The following PPP2R3A variants were observed in gnomAD, a reference collection of about 807,000 sequenced individuals.
PPP2R3A encodes serine/threonine-protein phosphatase 2A regulatory subunit B'' subunit alpha.
PPP2R3A carries 80 observed loss-of-function variants against 106.9 expected under a neutral mutation model. That is an observed-to-expected ratio of 0.75 (90% CI 0.62 to 0.90). The LOEUF (loss-of-function observed/expected upper bound fraction) is 0.90, where lower values mean the gene tolerates loss of function less well. PPP2R3A is among the 40% of genes least tolerant of loss of function. The pLI, the probability that PPP2R3A is intolerant of heterozygous loss-of-function variation, is 0.00. For missense variants in PPP2R3A, 1,386 were observed against 1,350.4 expected (o/e 1.03, Z -0.41); for synonymous variants, 483 against 468.3 (o/e 1.03, Z -0.41).
chr3:136,030,509 T>C (rs550832824), intron 3 of PPP2R3A, among the ~76,000 whole-genome samples: 55 of 152,084 alleles, frequency 3.6e-4, no homozygotes, highest in African/African-American at 1.1e-3. Context: ...ACCCAGGCAG[T>C]ATACACTGCA....
chr3:135,995,799 C>T (rs917849027), intron 1 of PPP2R3A, among the ~76,000 whole-genome samples: 9 of 152,110 alleles, frequency 5.9e-5, no homozygotes, highest in African/African-American at 1.9e-4. Flanking sequence ...CTATATATCA[C>T]TCTTGTGCAT....
chr3:136,032,638 C>T (rs1934940134), intron 3 of PPP2R3A, among the ~76,000 whole-genome samples: 1 of 151,962 alleles, frequency 6.6e-6, no homozygotes, highest in African/African-American at 2.4e-5. Flanking sequence ...GGGTTGACAC[C>T]ATTCTCCTGC....
intron 3 of PPP2R3A, among the ~76,000 whole-genome samples, chr3:136,033,860 A>AT (rs970685359): frequency 5.4e-5 from 8 of 147,108 alleles, no homozygotes; most frequent in African/African-American, 2.0e-4. Flanking sequence ...TATTTTTTGT[A>AT]TTTTTTTTCT....
chr3:136,017,595 CT>C (rs1934321102), intron 2 of PPP2R3A, among the ~76,000 whole-genome samples: 1 of 152,174 alleles, frequency 6.6e-6, no homozygotes, highest in South Asian at 2.1e-4. Context: ...AGCTGGCTGG[CT>C]TTTGTTAATC....
chr3:136,055,726 C>G, intron 5 of PPP2R3A: 1 of 708,882 alleles, frequency 1.4e-6, no homozygotes, highest in Admixed American at 2.3e-5. Flanking sequence ...AGAAATACCA[C>G]TACTTGGGAA....
chr3:136,040,137 A>C (rs147895227), intron 3 of PPP2R3A, among the ~76,000 whole-genome samples: 174 of 152,348 alleles, frequency 1.1e-3, no homozygotes, highest in African/African-American at 4.0e-3. Context: ...GGAGATAGGT[A>C]GTGGAATATT....
rs188334798 is a variant in PPP2R3A at position 136,129,806 on chromosome 3, C to T, written c.3330-15237C>T. On this transcript the variant is annotated intron_variant, in intron 13 of 13. Coordinates refer to ENST00000264977, the MANE Select transcript of PPP2R3A (RefSeq NM_002718.5). ...CCGAACCCAGCAGTACATCAAAAAGCTTATCCACTATGATCAAGTCAGCTT... is the reference window on the plus strand; with the variant it reads ...CCGAACCCAGCAGTACATCAAAAAGTTTATCCACTATGATCAAGTCAGCTT... Among the ~76,000 whole-genome samples the T allele has an allele frequency of 1.5e-3, 230 of 152,322 alleles. 3 individuals are homozygous for T. The highest frequency in any genetic ancestry group is 4.9e-3 in the African/African-American group (204 of 41,564).
chr3:136,101,382 T>C (rs1214506230), intron 10 of PPP2R3A, among the ~76,000 whole-genome samples: 1 of 152,140 alleles, frequency 6.6e-6, no homozygotes, highest in Non-Finnish European at 1.5e-5. Flanking sequence ...AAGTTCAACT[T>C]TCATAATGTG....
chr3:135,979,631 G>C (rs1466387416), intron 1 of PPP2R3A, among the ~76,000 whole-genome samples: 1 of 151,752 alleles, frequency 6.6e-6, no homozygotes, highest in Non-Finnish European at 1.5e-5. Context: ...TTGTTGCTTT[G>C]GTTGTAAAAG....
intron 5 of PPP2R3A, among the ~76,000 whole-genome samples, chr3:136,062,462 G>A (rs370826094): frequency 7.2e-5 from 11 of 152,200 alleles, no homozygotes; most frequent in African/African-American, 1.4e-4. Flanking sequence ...AGTGGCTCAC[G>A]CCTGTAATCC....
intron 13 of PPP2R3A, among the ~76,000 whole-genome samples, chr3:136,139,380 T>G (rs576753711): frequency 6.6e-6 from 1 of 152,046 alleles, no homozygotes; most frequent in African/African-American, 2.4e-5. Context: ...TATCCCCTCA[T>G]GCTAACAAAA....
chr3:135,999,116 C>T (rs1451851182), intron 1 of PPP2R3A, among the ~76,000 whole-genome samples: 1 of 152,162 alleles, frequency 6.6e-6, no homozygotes, highest in Non-Finnish European at 1.5e-5. Context: ...ATCATTCTCC[C>T]AGGGTCAGGC....
At chr3:136,082,487 T>C in intron 8 of PPP2R3A, 66 bp downstream of exon 8, 3 of 1,533,372 alleles carry the variant, frequency 2.0e-6, no homozygotes, top group Non-Finnish European at 2.7e-6. Flanking sequence ...TCACTACTCA[T>C]TATGAGAAAT....
At position 135,999,736 on chromosome 3, in the gene PPP2R3A, G is replaced by C. The variant is rs1051155577; in HGVS notation, c.-440-1323G>C. On this transcript the variant is annotated intron_variant, in intron 1 of 13. Coordinates refer to ENST00000264977, the MANE Select transcript of PPP2R3A (RefSeq NM_002718.5). ...TTTTTCTTTCTCAGCAAGATGACTC[G>C]TGAAAAGTTCATCAGATTTTTATTT... is the stretch of plus-strand genomic sequence containing the variant. Among the ~76,000 whole-genome samples the C allele has an allele frequency of 2.0e-5, 3 of 152,086 alleles. No homozygotes were observed. In the South Asian group the frequency reaches 6.3e-4, roughly 32 times the overall value.
At chr3:135,991,973 C>A (rs1214260628) in intron 1 of PPP2R3A, among the ~76,000 whole-genome samples, 1 of 152,150 alleles carries the variant, frequency 6.6e-6, no homozygotes, top group East Asian at 1.9e-4. Flanking sequence ...TTCTGTCATA[C>A]CCATGTATAC....
At chr3:136,053,715 T>C (rs1205953301) in intron 5 of PPP2R3A, among the ~76,000 whole-genome samples, 1 of 152,214 alleles carries the variant, frequency 6.6e-6, no homozygotes, top group Non-Finnish European at 1.5e-5. Context: ...ATTCTGGCAG[T>C]TGGAGATCCC....
chr3:135,981,583 A>T (rs1030433983), intron 1 of PPP2R3A, among the ~76,000 whole-genome samples: 15 of 151,826 alleles, frequency 9.9e-5, no homozygotes, highest in African/African-American at 3.6e-4. Flanking sequence ...TCCTTCATTG[A>T]GTACTTATAT....
intron 5 of PPP2R3A, among the ~76,000 whole-genome samples, chr3:136,066,671 G>A (rs926516019): frequency 2.6e-5 from 4 of 152,018 alleles, no homozygotes; most frequent in African/African-American, 7.3e-5. Context: ...GAGAGCAGGA[G>A]CAAGGTGTGG....
chr3:135,970,857 G>A (rs1207610347), intron 1 of PPP2R3A, among the ~76,000 whole-genome samples: 1 of 152,136 alleles, frequency 6.6e-6, no homozygotes, highest in Non-Finnish European at 1.5e-5. Context: ...TTGTTTTGGA[G>A]ACTACTTTTT....
Sources: allele counts gnomAD v4.1 joint callset (sites outside exome capture counted in the v4.1 genomes callset), GRCh38; gene constraint gnomAD v4.1.1; transcripts MANE v1.5; gene names NCBI Gene and HGNC (gene_info 2026-07-23, HGNC 2026-07-21).